The following RPS6KC1 variants were observed in gnomAD, a reference collection of about 807,000 sequenced individuals.
RPS6KC1 encodes the protein inactive ribosomal protein S6 kinase delta-1.
Under a neutral mutation model 103.8 loss-of-function variants are expected in RPS6KC1, and 54 were observed. The observed-to-expected ratio is 0.52, with a 90% CI of 0.42 to 0.65. RPS6KC1 has a LOEUF of 0.65. Among genes scored for constraint, RPS6KC1 ranks in the 30% least tolerant of loss-of-function variants. RPS6KC1 has a pLI of 0.00. For synonymous variants in RPS6KC1, 439 were observed against 438.7 expected (o/e 1.00, Z -0.01); for missense variants, 1,151 against 1,253.8 (o/e 0.92, Z 1.24).
chr1:213,145,892 A>C (rs1026907484), intron 6 of RPS6KC1, among the ~76,000 whole-genome samples: 1 of 150,794 alleles, frequency 6.6e-6, no homozygotes, highest in Non-Finnish European at 1.5e-5. Context: ...TATGTTTTTA[A>C]AAAATGTACA....
At chr1:213,588,687 A>G in the RPS6KC1 span, among the ~76,000 whole-genome samples, 1 of 152,118 alleles carries the variant, frequency 6.6e-6, no homozygotes, top group Admixed American at 6.5e-5. Flanking sequence ...AAGGGGTGAC[A>G]TCTCCCATGC....
chr1:213,262,906 A>T, intron 14 of RPS6KC1, 90 bp downstream of exon 14: 1 of 813,884 alleles, frequency 1.2e-6, no homozygotes, highest in South Asian at 1.4e-5. Flanking sequence ...ATTAGTTTGG[A>T]GCAAGAAAAA....
At chr1:213,630,350 C>CT in the RPS6KC1 span, among the ~76,000 whole-genome samples, 1 of 152,158 alleles carries the variant, frequency 6.6e-6, no homozygotes, top group Non-Finnish European at 1.5e-5. Context: ...CACTGACACC[C>CT]TTTTTTCCAG....
chr1:213,520,263 G>A, the RPS6KC1 span, among the ~76,000 whole-genome samples: 1 of 152,154 alleles, frequency 6.6e-6, no homozygotes, highest in African/African-American at 2.4e-5. Context: ...GAAGACAAAG[G>A]AAGAGCAAAG....
chr1:213,118,770 C>A (rs1164789366), intron 5 of RPS6KC1, among the ~76,000 whole-genome samples: 1 of 152,000 alleles, frequency 6.6e-6, no homozygotes, highest in Non-Finnish European at 1.5e-5. Flanking sequence ...TGCATGGGGG[C>A]CACATGCCCA....
At chr1:213,560,458 T>C in the RPS6KC1 span, among the ~76,000 whole-genome samples, 3 of 152,080 alleles carry the variant, frequency 2.0e-5, no homozygotes, top group African/African-American at 7.2e-5. Context: ...CTGAGCTGAG[T>C]GTGGACCCTG....
At chr1:213,637,252 C>G in the RPS6KC1 span, among the ~76,000 whole-genome samples, 1 of 152,050 alleles carries the variant, frequency 6.6e-6, no homozygotes, top group African/African-American at 2.4e-5. Context: ...CCCAGCAATC[C>G]CATTACTGGG....
At chr1:213,566,831 AT>A in the RPS6KC1 span, among the ~76,000 whole-genome samples, 1 of 151,896 alleles carries the variant, frequency 6.6e-6, no homozygotes, top group East Asian at 1.9e-4. Flanking sequence ...ATGTTTCATC[AT>A]TTTAAACATT....
the RPS6KC1 span, among the ~76,000 whole-genome samples, chr1:213,333,398 C>T: frequency 1.3e-5 from 2 of 152,100 alleles, no homozygotes; most frequent in East Asian, 1.9e-4. Context: ...TAAGACTTAC[C>T]CATGTGGTGA....
At chr1:213,069,026 C>G (rs2078624977) in intron 1 of RPS6KC1, among the ~76,000 whole-genome samples, 1 of 151,790 alleles carries the variant, frequency 6.6e-6, no homozygotes, top group Non-Finnish European at 1.5e-5. Flanking sequence ...CCATGGCACT[C>G]TAGCCTAGGT....
At chr1:213,380,144 G>T in the RPS6KC1 span, among the ~76,000 whole-genome samples, 1 of 152,134 alleles carries the variant, frequency 6.6e-6, no homozygotes, top group Non-Finnish European at 1.5e-5. Flanking sequence ...CTATGCAGCC[G>T]CAAAAAGGAA....
the RPS6KC1 span, among the ~76,000 whole-genome samples, chr1:213,591,324 A>G: frequency 6.6e-6 from 1 of 152,164 alleles, no homozygotes; most frequent in Non-Finnish European, 1.5e-5. Context: ...TTATCTTTGC[A>G]CACAAAACCC....
chr1:213,837,934 C>G, the RPS6KC1 span, among the ~76,000 whole-genome samples: 1 of 151,918 alleles, frequency 6.6e-6, no homozygotes, highest in Non-Finnish European at 1.5e-5. Context: ...TTTATGTGCA[C>G]TCAGTCAAAA....
chr1:213,747,335 T>C, the RPS6KC1 span, among the ~76,000 whole-genome samples: 2 of 152,180 alleles, frequency 1.3e-5, no homozygotes, highest in Non-Finnish European at 1.5e-5. Flanking sequence ...ACTGGTGCCC[T>C]GGACATGAGC....
chr1:213,592,591 C>T, the RPS6KC1 span, among the ~76,000 whole-genome samples: 1 of 152,198 alleles, frequency 6.6e-6, no homozygotes, highest in East Asian at 1.9e-4. Context: ...CTTGTGGAAT[C>T]TCTGTAGAGA....
At chr1:213,201,180 A>G (rs2093149615) in intron 8 of RPS6KC1, among the ~76,000 whole-genome samples, 2 of 152,334 alleles carry the variant, frequency 1.3e-5, no homozygotes, top group South Asian at 4.1e-4. Flanking sequence ...CACTTTATTC[A>G]TAATTGCCAA....
At chr1:213,392,916 G>GC in the RPS6KC1 span, among the ~76,000 whole-genome samples, 1 of 152,184 alleles carries the variant, frequency 6.6e-6, no homozygotes, top group African/African-American at 2.4e-5. Flanking sequence ...GTATGAGAGG[G>GC]CTAGCTGGCT....
In RPS6KC1 at chr1:213,205,045, T is replaced by C. The variant is rs541747641; in HGVS notation, c.1045-25452T>C. On this transcript the variant is annotated intron_variant, in intron 8 of 14. Transcript: ENST00000366960. ...AAAGTATTTTTGGGCATTGTGAGCA[T>C]TGTACTACTCCCAGGCTGCTTATGG... 8.0e-4 allele frequency among the ~76,000 whole-genome samples: 122 copies of C among 152,276 alleles called. 1 individual carries two copies. The highest frequency in any genetic ancestry group is 1.4e-3 in the Non-Finnish European group (95 of 68,008).
chr1:213,252,729 G>C (rs1382435503), intron 12 of RPS6KC1, among the ~76,000 whole-genome samples: 4 of 152,008 alleles, frequency 2.6e-5, no homozygotes, highest in African/African-American at 9.7e-5. Context: ...AAATCCTGTG[G>C]CATTAGAAAA....
Sources: gnomAD v4.1 joint callset for allele counts (sites outside exome capture counted in the v4.1 genomes callset) on GRCh38, gnomAD v4.1.1 for gene constraint, MANE v1.5 for transcripts, NCBI Gene and HGNC (gene_info 2026-07-23, HGNC 2026-07-21) for gene names.